The following POU6F1 variants were observed in gnomAD, a reference collection of about 807,000 sequenced individuals.
POU6F1 encodes the protein POU class 6 homeobox 1, also known as POU domain, class 6, transcription factor 1.
POU6F1 carries 9 observed loss-of-function variants against 28.9 expected under a neutral mutation model. The observed-to-expected ratio is 0.31, with a 90% CI of 0.19 to 0.54. POU6F1 has a LOEUF of 0.54. POU6F1 is among the 20% of genes least tolerant of loss of function. The probability of loss-of-function intolerance (pLI) is 0.94; values close to 1 mark genes in which losing one functional copy is unlikely to be tolerated. For synonymous variants in POU6F1, 173 were observed against 171.1 expected, an observed-to-expected ratio of 1.01 and a Z score of -0.09; for missense variants, 338 against 426.1, an observed-to-expected ratio of 0.79 and a Z score of 1.82.
At position 51,193,488 on chromosome 12, in the gene POU6F1, A is replaced by G. The variant is rs1057144317; in HGVS notation, c.1180-1017T>C. Among the ~76,000 whole-genome samples, 5 of 152,190 alleles carry G rather than the reference A, an allele frequency of 3.3e-5. No individual in the cohort carries two copies. In the South Asian group the frequency reaches 6.2e-4, roughly 19 times the overall value. On this transcript the variant is annotated intron_variant, in intron 8 of 10. Transcript: ENST00000333640. ...CTACTGGGGAGGCTGAGGCAGGAGA[A>G]TCGCTTGAACACGGGAGGCAGAGAT...
At position 51,190,514 on chromosome 12, in the gene POU6F1, T is replaced by G; in HGVS notation, c.1569A>C (p.Glu523Asp). The change falls in exon 11 of 11, where the codon GAA (glutamate) becomes GAC (aspartate). Residue 523 changes from glutamate to aspartate, a missense_variant. Physicochemically the swap from Glu to Asp is conservative, Grantham distance 45. This residue lies in a region of POU6F1 where 126 missense variants were observed against 176.5 expected (regional missense o/e 0.71). Transcript: ENST00000333640. The surrounding 1 kb of genome is among the most constrained non-coding windows in gnomAD (Gnocchi z 4.5). The part of the protein sequence containing the change: ...PVLEKWLNEA[E>D]LRNQEGQQNL... Reference sequence around the variant, plus strand: ...TCTGCTGGCCTTCCTGGTTCCGCAGTTCAGCTTCGTTTAGCCACTTTTCCA... The same window carrying G: ...TCTGCTGGCCTTCCTGGTTCCGCAGGTCAGCTTCGTTTAGCCACTTTTCCA... 1 of 1,614,198 alleles carries G rather than the reference T, an allele frequency of 6.2e-7. No homozygotes were observed. The highest frequency in any genetic ancestry group is 8.5e-7 in the Non-Finnish European group (1 of 1,180,044).
In POU6F1 at chr12:51,190,067, T is replaced by A. The variant is rs1457195947; in HGVS notation, c.*180A>T. The A allele has an allele frequency of 1.7e-6, 2 of 1,178,494 alleles. No individual in the cohort carries two copies. The highest frequency in any genetic ancestry group is 2.6e-5 in the East Asian group (1 of 38,214). 73.0% of individuals were successfully genotyped at this position (1,178,494 alleles called of 1,614,324 possible). ...CGTGTGGCCCCCTCTGGCCTCCCCA[T>A]GATGTGAGATGTGTGGGAGAAAAGA... On this transcript the variant is annotated 3_prime_UTR_variant, in exon 11 of 11. Coordinates refer to ENST00000333640, the MANE Select transcript of POU6F1 (RefSeq NM_001330422.2). This position sits in a 1 kb window ranked among gnomAD's most constrained non-coding sequence, Gnocchi z 4.5.
intron 1 of POU6F1, among the ~76,000 whole-genome samples, chr12:51,208,705 G>C (rs1223934391): frequency 2.0e-5 from 3 of 152,192 alleles, no homozygotes; most frequent in South Asian, 2.1e-4. Flanking sequence ...CCAGGACTTA[G>C]GCAGGTGGAC....
Position 51,190,417 on chromosome 12 carries a change from T to C in POU6F1, c.1666A>G (p.Ile556Val), listed in dbSNP as rs759912824. Residue 556 changes from isoleucine (I) to valine (V), a missense_variant, in exon 11 of 11, where the codon ATA becomes GTA. Physicochemically the swap from Ile to Val is conservative, Grantham distance 29. Around this residue, in one of 3 missense-constraint regions of POU6F1, gnomAD observed 126 missense variants for 176.5 expected, o/e 0.71. Transcript: ENST00000333640. This position sits in a 1 kb window ranked among gnomAD's most constrained non-coding sequence, Gnocchi z 4.5. ...TCAAAATAGGCATTGAGAGCCTCTA[T>C]GGCCTGGGGGGTGAAGGAGGTGCGG... ...KRRTSFTPQAIEALNAYFEKN... is the reference protein window; with the variant it reads ...KRRTSFTPQAVEALNAYFEKN... 3 of 1,614,140 alleles carry C rather than the reference T, an allele frequency of 1.9e-6. No homozygotes were observed. The highest frequency in any genetic ancestry group is 2.5e-6 in the Non-Finnish European group (3 of 1,180,008).
chr12:51,206,458 T>C (rs534599790), intron 2 of POU6F1, among the ~76,000 whole-genome samples: 2 of 132,234 alleles, frequency 1.5e-5, no homozygotes, highest in South Asian at 4.8e-4. Flanking sequence ...AAAAAAGATA[T>C]AAGTAATAGT....
intron 3 of POU6F1, chr12:51,201,722 G>A (rs11169761): frequency 0.59 from 89,831 of 151,938 alleles, 27,678 homozygotes; most frequent in Middle Eastern, 0.7. Flanking sequence ...GGCATATTTA[G>A]TAGGACCATG....
intron 1 of POU6F1, among the ~76,000 whole-genome samples, chr12:51,209,397 G>A (rs1943838041): frequency 6.6e-6 from 1 of 152,204 alleles, no homozygotes; most frequent in African/African-American, 2.4e-5. Context: ...ATGTCGCTTT[G>A]TGTGTCTAGC....
intron 8 of POU6F1, 32 bp from the exon 9 acceptor site, chr12:51,192,503 C>A (rs1406884403): frequency 6.2e-7 from 1 of 1,604,612 alleles, no homozygotes. Context: ...GCCTTTGCTG[C>A]CCTCTGCCAG....
At position 51,207,014 on chromosome 12, in the gene POU6F1, T is replaced by TA. The variant is rs201377013; in HGVS notation, c.-47-132dup. 3,046 of 334,376 alleles carry TA rather than the reference T, an allele frequency of 9.1e-3. 5 individuals carry two copies. Among genetic ancestry groups the TA allele is most frequent in the East Asian group, 0.022 (509 of 22,740 alleles). 20.7% of individuals were successfully genotyped at this position (334,376 alleles called of 1,614,324 possible). The stretch of plus-strand genomic sequence containing the variant: ...GGTTCTCCCAAGTATCTGTAGAGGT[T>TA]AAAAAAAAAAAAAAGGATTCTTTTT... On this transcript the variant is annotated intron_variant, in intron 1 of 10. Transcript: ENST00000333640.
intron 1 of POU6F1, among the ~76,000 whole-genome samples, chr12:51,215,555 C>CAA (rs11415220): frequency 0.13 from 11,503 of 88,158 alleles, 1,045 homozygotes; most frequent in East Asian, 0.33. Flanking sequence ...AACCCTGTCT[C>CAA]AAAAAAAAAA....
rs1460314021 is a variant in POU6F1, at chr12:51,190,349, A to C, written c.1734T>G (p.Ala578=). The C allele has an allele frequency of 6.2e-7, 1 of 1,614,140 alleles. No individual in the cohort carries two copies. Among genetic ancestry groups the C allele is most frequent in the Non-Finnish European group, 8.5e-7 (1 of 1,180,016 alleles). Residue 578 remains alanine, a synonymous_variant, in exon 11 of 11, where the codon GCT becomes GCG. Coordinates refer to ENST00000333640, the MANE Select transcript of POU6F1 (RefSeq NM_001330422.2). This position sits in a 1 kb window ranked among gnomAD's most constrained non-coding sequence, Gnocchi z 4.5. ...LPTGQEITEI[A]KELNYDREVV... ...CCTCACGGTCGTAGTTGAGCTCCTT[A>C]GCAATTTCAGTGATCTCCTGGCCTG...
chr12:51,200,844 C>T (rs891038806), intron 3 of POU6F1, among the ~76,000 whole-genome samples: 2 of 152,080 alleles, frequency 1.3e-5, no homozygotes, highest in Non-Finnish European at 2.9e-5. Context: ...CATACCACCA[C>T]GCCTGGCTAA....
chr12:51,204,249 G>T lies in POU6F1; in HGVS notation c.168C>A (p.Ser56Arg). 1 of 399,118 alleles carries T rather than the reference G, an allele frequency of 2.5e-6. No homozygotes were observed. Among genetic ancestry groups the T allele is most frequent in the Non-Finnish European group, 4.4e-6 (1 of 226,172 alleles). 24.7% of individuals were successfully genotyped at this position (399,118 alleles called of 1,614,324 possible). Residue 56 changes from serine (S) to arginine (R), a missense_variant, in exon 3 of 11, where the codon AGC (serine) becomes AGA (arginine). Transcript: ENST00000333640. ...CTTGACTGGCTTCAGCAGGGTCTCCGCTCTGGGAGCCCTCGGCGGCCACAC... is the reference window on the plus strand; with the variant it reads ...CTTGACTGGCTTCAGCAGGGTCTCCTCTCTGGGAGCCCTCGGCGGCCACAC... ...LEGVAAEGSQ[S>R]GDPAEASQAA...
At chr12:51,207,517 T>C (rs1276138064) in intron 1 of POU6F1, 1 of 152,058 alleles carries the variant, frequency 6.6e-6, no homozygotes, top group Non-Finnish European at 1.5e-5. Context: ...CTCAGAACCT[T>C]AGACTTAGGT....
chr12:51,200,405 A>G (rs1010125559), intron 3 of POU6F1, among the ~76,000 whole-genome samples: 8 of 152,220 alleles, frequency 5.3e-5, no homozygotes, highest in Non-Finnish European at 1.2e-4. Context: ...GCTGCACTAC[A>G]GGATCACAGG....
rs1466368635 is a variant in POU6F1, at chr12:51,187,659, G to C, written c.*2588C>G. 1.3e-5 allele frequency: 2 copies of C among 152,232 alleles called. No individual in the cohort carries two copies. Among genetic ancestry groups the C allele is most frequent in the East Asian group, 3.9e-4 (2 of 5,194 alleles). 9.4% of individuals were successfully genotyped at this position (152,232 alleles called of 1,614,324 possible). On this transcript the variant is annotated 3_prime_UTR_variant, in exon 11 of 11. Coordinates refer to ENST00000333640, the MANE Select transcript of POU6F1 (RefSeq NM_001330422.2). ...GAATGACCAATCCATCATTCCAGCA[G>C]AGGAGAAATGGTTTAGTTTTAGCTC...
intron 1 of POU6F1, among the ~76,000 whole-genome samples, chr12:51,216,435 A>G (rs373863479): frequency 6.6e-6 from 1 of 152,216 alleles, no homozygotes; most frequent in South Asian, 2.1e-4. Context: ...AATGTTTAGC[A>G]TCTACTTGTC....
At position 51,190,242 on chromosome 12, in the gene POU6F1, G is replaced by C; in HGVS notation, c.*5C>G. On this transcript the variant is annotated 3_prime_UTR_variant, in exon 11 of 11. Transcript: ENST00000333640. This position sits in a 1 kb window ranked among gnomAD's most constrained non-coding sequence, Gnocchi z 4.5. ...GTGCTAGAACACAGGGCCAGGGGCT[G>C]AGCCCTAAGGGATCTGAAAGACGTT... is the stretch of plus-strand genomic sequence containing the variant. 6.2e-7 allele frequency: 1 copy of C among 1,613,588 alleles called. No homozygotes were observed. Among genetic ancestry groups the C allele is most frequent in the South Asian group, 1.1e-5 (1 of 91,028 alleles).
At chr12:51,210,822 T>C (rs1037501202) in intron 1 of POU6F1, among the ~76,000 whole-genome samples, 1 of 152,178 alleles carries the variant, frequency 6.6e-6, no homozygotes, top group Non-Finnish European at 1.5e-5. Context: ...CAAGACCTCC[T>C]TTGTCTCAGA....
Sources: allele counts gnomAD v4.1 joint callset (sites outside exome capture counted in the v4.1 genomes callset), GRCh38; gene constraint gnomAD v4.1.1; regional missense constraint gnomAD v4.1.1; non-coding constraint Gnocchi (gnomAD v3.1); transcripts MANE v1.5; gene names NCBI Gene and HGNC (gene_info 2026-07-23, HGNC 2026-07-21).